Variants in RAB7A observed in about 807,000 individuals in gnomAD.
RAB7A encodes RAB7A, member RAS oncogene family, also known as ras-related protein Rab-7a.
A neutral mutation model predicts 24.5 loss-of-function variants in RAB7A; 2 were observed. The observed-to-expected ratio is 0.08, with a 90% CI of 0.03 to 0.26. RAB7A has a LOEUF of 0.26. Among genes scored for constraint, RAB7A ranks in the 10% least tolerant of loss-of-function variants. RAB7A has a pLI of 1.00. For missense variants in RAB7A, 118 were observed against 255.7 expected, an observed-to-expected ratio of 0.46 and a Z score of 3.67; for synonymous variants, 100 against 95.9, an observed-to-expected ratio of 1.04 and a Z score of -0.25.
chr3:128,797,733 CCCCACATCTGT>C (rs1933606126), intron 2 of RAB7A, among the ~76,000 whole-genome samples, 199 bp from the exon 3 acceptor site: 1 of 152,232 alleles, frequency 6.6e-6, no homozygotes, highest in Non-Finnish European at 1.5e-5. Context: ...TCCACATCTG[CCCCACATCTGT>C]ACCCTATATT....
At chr3:128,753,886 G>C (rs1399792162) in intron 1 of RAB7A, among the ~76,000 whole-genome samples, 1 of 152,002 alleles carries the variant, frequency 6.6e-6, no homozygotes, top group Non-Finnish European at 1.5e-5. Context: ...TGATCCTTCT[G>C]CTTGGGCCTC....
chr3:128,808,690 A>C (rs1933855385), intron 5 of RAB7A, among the ~76,000 whole-genome samples: 1 of 152,180 alleles, frequency 6.6e-6, no homozygotes, highest in African/African-American at 2.4e-5. Context: ...AAGGCAGGTC[A>C]CGAGGCCTCA....
intron 3 of RAB7A, among the ~76,000 whole-genome samples, 177 bp from the exon 4 acceptor site, chr3:128,806,195 A>G (rs1206222380): frequency 6.6e-6 from 1 of 152,180 alleles, no homozygotes; most frequent in Non-Finnish European, 1.5e-5. Flanking sequence ...TAATCACAAT[A>G]TTTGTGAGGA....
At chr3:128,781,563 C>T (rs1933222374) in intron 1 of RAB7A, among the ~76,000 whole-genome samples, 1 of 152,110 alleles carries the variant, frequency 6.6e-6, no homozygotes, top group Non-Finnish European at 1.5e-5. Flanking sequence ...GTAGTCCCAT[C>T]TGTTCAAGAG....
At chr3:128,758,253 C>T (rs1271029802) in intron 1 of RAB7A, among the ~76,000 whole-genome samples, 2 of 150,324 alleles carry the variant, frequency 1.3e-5, no homozygotes, top group African/African-American at 4.9e-5. Flanking sequence ...TGTGAGCCAC[C>T]ACCCCAGTGT....
chr3:128,773,312 C>T (rs1407543044), intron 1 of RAB7A, among the ~76,000 whole-genome samples: 35 of 151,904 alleles, frequency 2.3e-4, no homozygotes, highest in African/African-American at 8.2e-4. Flanking sequence ...AGGAGCCCCT[C>T]CGCCCGGCAG....
chr3:128,785,081 G>T (rs1287941324), intron 1 of RAB7A: 1 of 152,016 alleles, frequency 6.6e-6, no homozygotes, highest in Non-Finnish European at 1.5e-5. Context: ...TGGTAGCTGG[G>T]ATTACCAAAT....
intron 1 of RAB7A, among the ~76,000 whole-genome samples, chr3:128,726,908 C>CTTGTGT (rs1275430621): frequency 6.6e-6 from 1 of 152,236 alleles, no homozygotes; most frequent in Non-Finnish European, 1.5e-5. Flanking sequence ...CGCCTCGACA[C>CTTGTGT]TTGTGTACAT....
chr3:128,777,338 C>T (rs1348328427), intron 1 of RAB7A, among the ~76,000 whole-genome samples: 1 of 151,860 alleles, frequency 6.6e-6, no homozygotes, highest in African/African-American at 2.4e-5. Context: ...GGACTACAGG[C>T]GCATGCCACC....
Position 128,813,720 on chromosome 3 carries a change from C to T in RAB7A, c.*298C>T, listed in dbSNP as rs536720093. ...CGAGTATGGCAGCAGGACAAGCCAG[C>T]GGTGGAAGTCATTCTGATATGGAGT... On this transcript the variant is annotated 3_prime_UTR_variant, in exon 6 of 6. Transcript: ENST00000265062. 154 of 449,450 alleles carry T rather than the reference C, an allele frequency of 3.4e-4. 1 individual carries two copies. The highest frequency in any genetic ancestry group is 9.6e-4 in the Admixed American group (28 of 29,270). 27.8% of individuals were successfully genotyped at this position (449,450 alleles called of 1,614,324 possible). A position where few individuals can be genotyped will look rare whatever the true frequency, so the allele number is the denominator to read the frequency against.
At chr3:128,734,662 C>CT (rs1002894663) in intron 1 of RAB7A, among the ~76,000 whole-genome samples, 1 of 151,272 alleles carries the variant, frequency 6.6e-6, no homozygotes, top group African/African-American at 2.5e-5. Context: ...TTCCAACTCT[C>CT]TTTTTTGGTC....
intron 1 of RAB7A, among the ~76,000 whole-genome samples, chr3:128,756,169 C>T (rs948965986): frequency 1.3e-5 from 2 of 152,064 alleles, no homozygotes; most frequent in Non-Finnish European, 2.9e-5. Flanking sequence ...AACCCCGTCT[C>T]TACTAAAAAT....
At chr3:128,742,428 C>T (rs759376796) in intron 1 of RAB7A, among the ~76,000 whole-genome samples, 16 of 152,156 alleles carry the variant, frequency 1.1e-4, no homozygotes, top group African/African-American at 3.9e-4. Context: ...GCTTTTATTC[C>T]CTTATCTGAT....
chr3:128,776,504 C>G (rs1369349595), intron 1 of RAB7A, among the ~76,000 whole-genome samples: 1 of 152,190 alleles, frequency 6.6e-6, no homozygotes, highest in Non-Finnish European at 1.5e-5. Flanking sequence ...AGGCTGGTCT[C>G]AAACTCTTGG....
intron 1 of RAB7A, among the ~76,000 whole-genome samples, chr3:128,787,003 C>T (rs1933355641): frequency 6.6e-6 from 1 of 152,110 alleles, no homozygotes; most frequent in African/African-American, 2.4e-5. Context: ...ATAACCTCAA[C>T]CATTTGAAGG....
intron 4 of RAB7A, among the ~76,000 whole-genome samples, chr3:128,807,235 C>T (rs1219505497): frequency 2.6e-5 from 4 of 152,196 alleles, no homozygotes; most frequent in Admixed American, 2.0e-4. Context: ...AAACACTCTT[C>T]ATTTCTTCCC....
chr3:128,758,232 G>A (rs1329548349), intron 1 of RAB7A, among the ~76,000 whole-genome samples: 1 of 151,712 alleles, frequency 6.6e-6, no homozygotes, highest in Non-Finnish European at 1.5e-5. Flanking sequence ...TCAAATTGCT[G>A]GGGTTACAGG....
At chr3:128,746,156 A>G (rs1353773677) in intron 1 of RAB7A, among the ~76,000 whole-genome samples, 1 of 152,184 alleles carries the variant, frequency 6.6e-6, no homozygotes, top group Non-Finnish European at 1.5e-5. Flanking sequence ...TGTCCGAAAC[A>G]TTGTACCCTT....
intron 1 of RAB7A, among the ~76,000 whole-genome samples, chr3:128,743,370 C>A (rs1270286301): frequency 6.6e-6 from 1 of 152,226 alleles, no homozygotes; most frequent in African/African-American, 2.4e-5. Flanking sequence ...GAGGGGCTCC[C>A]ACAGTACAGC....
Sources: allele counts gnomAD v4.1 joint callset (sites outside exome capture counted in the v4.1 genomes callset), GRCh38; gene constraint gnomAD v4.1.1; transcripts MANE v1.5; gene names NCBI Gene and HGNC (gene_info 2026-07-23, HGNC 2026-07-21).